Variants in CDH13 observed in about 807,000 individuals in gnomAD.
The protein encoded by CDH13 is cadherin-13.
Under a neutral mutation model 63.8 loss-of-function variants are expected in CDH13, and 24 were observed. The observed-to-expected ratio is 0.38, with a 90% CI of 0.27 to 0.53. The LOEUF is 0.53. CDH13 is among the 20% of genes least tolerant of loss of function. The pLI is 0.85. For missense variants in CDH13, 1,049 were observed against 903.1 expected, an observed-to-expected ratio of 1.16 and a Z score of -2.07; for synonymous variants, 503 against 355.3, an observed-to-expected ratio of 1.42 and a Z score of -4.67.
intron 4 of CDH13, among the ~76,000 whole-genome samples, chr16:83,146,270 A>G (rs942658061): frequency 6.6e-6 from 1 of 152,138 alleles, no homozygotes; most frequent in Non-Finnish European, 1.5e-5. Context: ...TGGACATTTC[A>G]GGTGGAGGGA....
chr16:82,767,848 A>G (rs1160663545), intron 1 of CDH13, among the ~76,000 whole-genome samples: 1 of 152,198 alleles, frequency 6.6e-6, no homozygotes, highest in Non-Finnish European at 1.5e-5. Context: ...GAGCACTGGC[A>G]CTGAGGGTCC....
rs142934323 is a variant in CDH13, at chr16:82,761,537, G to C, written c.46-96825G>C. Among the ~76,000 whole-genome samples, 34 of 152,322 alleles carry C rather than the reference G, an allele frequency of 2.2e-4. No homozygotes were observed. The East Asian group carries it at 4.2e-3, about 19-fold the overall frequency. The stretch of plus-strand genomic sequence containing the variant: ...CTTCTCAATCAATTATTTGGGATCA[G>C]TTGGTTTCATCACATGGCATTGCAT... On this transcript the variant is annotated intron_variant, in intron 1 of 13. Transcript: ENST00000567109.
intron 5 of CDH13, among the ~76,000 whole-genome samples, chr16:83,218,483 G>C (rs2039603918): frequency 2.0e-5 from 3 of 152,286 alleles, no homozygotes; most frequent in South Asian, 4.2e-4. Context: ...TCAGGTAGTT[G>C]TATAAATTGA....
At chr16:82,990,259 C>G (rs1911494808) in intron 2 of CDH13, 1 of 152,106 alleles carries the variant, frequency 6.6e-6, no homozygotes, top group African/African-American at 2.4e-5. Context: ...AAGCAAGGAT[C>G]CTAGAAAAAA....
intron 1 of CDH13, among the ~76,000 whole-genome samples, chr16:82,746,982 C>G (rs1203555776): frequency 6.6e-6 from 1 of 152,164 alleles, no homozygotes; most frequent in African/African-American, 2.4e-5. Context: ...ATAGTAGAAA[C>G]TCAGAATGTG....
At chr16:83,622,863 C>T (rs1471882264) in intron 8 of CDH13, among the ~76,000 whole-genome samples, 1 of 152,218 alleles carries the variant, frequency 6.6e-6, no homozygotes, top group East Asian at 1.9e-4. Context: ...CACCGCATGC[C>T]TACCAAACAC....
At chr16:83,172,066 A>T (rs1312315180) in intron 4 of CDH13, among the ~76,000 whole-genome samples, 1 of 152,160 alleles carries the variant, frequency 6.6e-6, no homozygotes, top group African/African-American at 2.4e-5. Flanking sequence ...CCTTACTTGG[A>T]CATAGGATCT....
In CDH13 at chr16:83,537,021, A is replaced by C. The variant is rs562750105; in HGVS notation, c.960+50366A>C. ...CTGAAAAAGAGTGCATTGAGAACTA[A>C]GGCAGAATTTTAAGGACGTACAAAC... On this transcript the variant is annotated intron_variant, in intron 7 of 13. Transcript: ENST00000567109. Among the ~76,000 whole-genome samples the C allele has an allele frequency of 5.9e-5, 9 of 152,348 alleles. No homozygotes were observed. The South Asian group carries it at 1.9e-3, about 32-fold the overall frequency.
intron 4 of CDH13, among the ~76,000 whole-genome samples, chr16:83,141,189 C>G (rs1292481629): frequency 6.6e-6 from 1 of 152,162 alleles, no homozygotes; most frequent in African/African-American, 2.4e-5. Flanking sequence ...GTGGCCTGCT[C>G]CAAATACCTC....
intron 7 of CDH13, among the ~76,000 whole-genome samples, chr16:83,530,776 C>G (rs2075066915): frequency 6.7e-6 from 1 of 149,870 alleles, no homozygotes; most frequent in Admixed American, 6.7e-5. Flanking sequence ...GAAGGACTAG[C>G]CTATGGCAAT....
At chr16:82,978,362 A>G (rs1485291085) in intron 2 of CDH13, among the ~76,000 whole-genome samples, 2 of 152,236 alleles carry the variant, frequency 1.3e-5, no homozygotes, top group Non-Finnish European at 2.9e-5. Flanking sequence ...CAAAATATTA[A>G]TCACCAAGAC....
intron 2 of CDH13, among the ~76,000 whole-genome samples, chr16:83,000,791 A>G (rs111773157): frequency 0.16 from 24,479 of 151,726 alleles, 2,372 homozygotes; most frequent in African/African-American, 0.26. Flanking sequence ...GTGTTAGCCA[A>G]GATGATCTCA....
intron 6 of CDH13, among the ~76,000 whole-genome samples, chr16:83,478,011 C>G (rs1295701929): frequency 6.6e-6 from 1 of 151,884 alleles, no homozygotes; most frequent in African/African-American, 2.4e-5. Flanking sequence ...GAAACCTCAT[C>G]TCTACTAAAA....
chr16:83,530,073 GT>G (rs1308834464), intron 7 of CDH13, among the ~76,000 whole-genome samples: 1 of 152,116 alleles, frequency 6.6e-6, no homozygotes, highest in Non-Finnish European at 1.5e-5. Flanking sequence ...GAAGATTATT[GT>G]CTGTCTTCCT....
intron 6 of CDH13, chr16:83,396,753 A>AT (rs2091892558): frequency 5.3e-5 from 1 of 18,866 alleles, no homozygotes; most frequent in African/African-American, 2.1e-4. Context: ...GATTCATCAC[A>AT]AATGATGATG....
At position 83,670,784 on chromosome 16, in the gene CDH13, T is replaced by C. The variant is rs7203175; in HGVS notation, c.1102-6T>C. On this transcript the variant is annotated splice_polypyrimidine_tract_variant and splice_region_variant and intron_variant, in intron 8 of 13. Transcript: ENST00000567109. Reference sequence around the variant, plus strand: ...TAGTGACCATTACCATCTGCTTTGTTTGCAGTTTCAAGCCACAGTCGAGGA... The same window carrying C: ...TAGTGACCATTACCATCTGCTTTGTCTGCAGTTTCAAGCCACAGTCGAGGA... 0.071 allele frequency: 114,643 copies of C among 1,613,100 alleles called. 4,447 individuals are homozygous for C. Among genetic ancestry groups the C allele is most frequent in the African/African-American group, 0.094 (7,076 of 74,986 alleles).
chr16:82,733,167 A>G (rs1184562196), intron 1 of CDH13, among the ~76,000 whole-genome samples: 1 of 152,158 alleles, frequency 6.6e-6, no homozygotes, highest in African/African-American at 2.4e-5. Context: ...CATCTCAACA[A>G]TGTGTCCTCA....
intron 7 of CDH13, among the ~76,000 whole-genome samples, chr16:83,556,202 A>C (rs2075599309): frequency 6.6e-6 from 1 of 152,244 alleles, no homozygotes; most frequent in African/African-American, 2.4e-5. Context: ...GCATCAAATC[A>C]GATAAACTAT....
chr16:83,565,383 C>CTCTT (rs1555574168), intron 7 of CDH13, among the ~76,000 whole-genome samples: 1 of 130,612 alleles, frequency 7.7e-6, no homozygotes, highest in Admixed American at 8.0e-5. Flanking sequence ...TTCCACTGTT[C>CTCTT]TTTTTTTTTT....
Sources: allele counts gnomAD v4.1 joint callset (sites outside exome capture counted in the v4.1 genomes callset), GRCh38; gene constraint gnomAD v4.1.1; transcripts MANE v1.5; gene names NCBI Gene and HGNC (gene_info 2026-07-23, HGNC 2026-07-21).